Variants in CPO observed in about 807,000 individuals in gnomAD.
CPO encodes metallocarboxypeptidase C.
CPO carries 43 observed loss-of-function variants against 41.2 expected under a neutral mutation model. The ratio of observed to expected loss-of-function variants is 1.04; its 90% CI spans 0.82 to 1.35. The LOEUF (loss-of-function observed/expected upper bound fraction) is 1.35, where lower values mean the gene tolerates loss of function less well. Ranked by LOEUF, CPO falls within the 40% of genes most tolerant of loss-of-function variation. CPO has a pLI of 0.00. For missense variants in CPO, 408 were observed against 451.7 expected (o/e 0.90, Z 0.88); for synonymous variants, 178 against 162.7 (o/e 1.09, Z -0.72).
chr2:206,940,914 A>T (rs1486506818), intron 1 of CPO, among the ~76,000 whole-genome samples: 3 of 152,080 alleles, frequency 2.0e-5, no homozygotes, highest in Non-Finnish European at 4.4e-5. Flanking sequence ...TGATATCAAA[A>T]ACCTGTTTGA....
chr2:206,966,674 T>G (rs1023730432), intron 7 of CPO, among the ~76,000 whole-genome samples: 20 of 152,150 alleles, frequency 1.3e-4, no homozygotes, highest in African/African-American at 4.3e-4. Context: ...TCAGAATCCC[T>G]TTTTAGGAAG....
chr2:206,942,394 G>A (rs1037051603), intron 1 of CPO, among the ~76,000 whole-genome samples: 43 of 151,728 alleles, frequency 2.8e-4, no homozygotes, highest in Admixed American at 4.6e-4. Flanking sequence ...TACCTTCTAC[G>A]TTTTCCATGT....
intron 2 of CPO, among the ~76,000 whole-genome samples, chr2:206,950,562 G>A (rs1215415603): frequency 6.6e-6 from 1 of 152,138 alleles, no homozygotes; most frequent in Non-Finnish European, 1.5e-5. Flanking sequence ...ATTTGACCCA[G>A]CAATCCCATT....
intron 7 of CPO, 117 bp from the exon 8 acceptor site, chr2:206,968,146 G>A: frequency 1.4e-6 from 1 of 728,602 alleles, no homozygotes. Context: ...ATGTCCGATG[G>A]GAAGTTGGAA....
Position 206,944,834 on chromosome 2 carries a change from A to G in CPO, c.69-4783A>G, listed in dbSNP as rs369064254. On this transcript the variant is annotated intron_variant, in intron 1 of 8. Coordinates refer to ENST00000272852, the MANE Select transcript of CPO (RefSeq NM_173077.3). ...TAATGTGGTACATGATGCTAAGTGA[A>G]CCAGAAAAAAAATAAAATTAGGACT... Among the ~76,000 whole-genome samples the G allele has an allele frequency of 3.9e-5, 6 of 152,168 alleles. No individual in the cohort carries two copies. In the East Asian group the frequency reaches 1.2e-3, roughly 29 times the overall value.
chr2:206,957,593 A>G (rs1297452359), intron 3 of CPO, among the ~76,000 whole-genome samples: 1 of 152,170 alleles, frequency 6.6e-6, no homozygotes, highest in Non-Finnish European at 1.5e-5. Flanking sequence ...TAGGCTATTT[A>G]CAAATCCAAA....
chr2:206,968,136 A>G (rs1290014303), intron 7 of CPO, 127 bp from the exon 8 acceptor site: 7 of 708,296 alleles, frequency 9.9e-6, no homozygotes, highest in East Asian at 2.7e-5. Flanking sequence ...CTAGATGTAG[A>G]TGTCCGATGG....
At chr2:206,956,956 A>C (rs1693379907) in intron 3 of CPO, among the ~76,000 whole-genome samples, 1 of 152,246 alleles carries the variant, frequency 6.6e-6, no homozygotes, top group Admixed American at 6.5e-5. Context: ...GCAGTCAAAA[A>C]GACATCTAAA....
intron 1 of CPO, among the ~76,000 whole-genome samples, chr2:206,940,456 A>C (rs1241199080): frequency 1.3e-5 from 2 of 152,122 alleles, no homozygotes; most frequent in African/African-American, 4.8e-5. Flanking sequence ...ACAAGTAAAA[A>C]ATACACATTG....
Position 206,963,170 on chromosome 2 carries a change from G to A in CPO, c.777+556G>A, listed in dbSNP as rs143236596. On this transcript the variant is annotated intron_variant, in intron 7 of 8. Coordinates refer to ENST00000272852, the MANE Select transcript of CPO (RefSeq NM_173077.3). ...GCAGGGAAACTGTTTGGTCTTATCC[G>A]TGTCCTTCTCTGAAGCTGTGTTTAC... Among the ~76,000 whole-genome samples the A allele has an allele frequency of 2.5e-3, 374 of 152,256 alleles. 3 individuals carry two copies. The highest frequency in any genetic ancestry group is 8.5e-3 in the African/African-American group (354 of 41,556).
At chr2:206,941,152 G>A (rs894261001) in intron 1 of CPO, among the ~76,000 whole-genome samples, 1 of 151,874 alleles carries the variant, frequency 6.6e-6, no homozygotes, top group Admixed American at 6.6e-5. Flanking sequence ...ATAAACTAAA[G>A]TCTGAAAGAG....
chr2:206,956,902 C>A lies in CPO; in HGVS notation c.267+1338C>A, dbSNP rs73983117. 4.4e-3 allele frequency among the ~76,000 whole-genome samples: 667 copies of A among 152,252 alleles called. 5 individuals carry two copies. The highest frequency in any genetic ancestry group is 0.015 in the African/African-American group (642 of 41,530). On this transcript the variant is annotated intron_variant, in intron 3 of 8. Transcript: ENST00000272852. ...TGGTTGATGTATTAAGCATGGGCCA[C>A]CTGCCTACCTGATTTTCCATAGGCA...
intron 2 of CPO, among the ~76,000 whole-genome samples, chr2:206,952,598 T>C (rs1383140259): frequency 1.3e-5 from 2 of 152,334 alleles, no homozygotes; most frequent in East Asian, 3.9e-4. Context: ...TAAGACTCTT[T>C]GTAGCACAAC....
intron 1 of CPO, among the ~76,000 whole-genome samples, chr2:206,942,356 A>G (rs779362299): frequency 6.6e-6 from 1 of 151,944 alleles, no homozygotes; most frequent in Non-Finnish European, 1.5e-5. Flanking sequence ...TCTCTTTTCT[A>G]TTTTTCTCCT....
chr2:206,949,653 G>T lies in CPO; in HGVS notation c.105G>T (p.Lys35Asn), dbSNP rs757770017. The change falls in exon 2 of 9, where the codon AAG becomes AAT. Residue 35 changes from lysine (K) to asparagine (N), a missense_variant. Coordinates refer to ENST00000272852, the MANE Select transcript of CPO (RefSeq NM_173077.3). ...AACACAGACAAGAGATTGTGGACAA[G>T]TCAGTGAGTCCATGGAGCCTGGAGA... is the stretch of plus-strand genomic sequence containing the variant. ...LAQHRQEIVD[K>N]SVSPWSLETY... 55 of 1,613,470 alleles carry T rather than the reference G, an allele frequency of 3.4e-5. No individual in the cohort carries two copies. The highest frequency in any genetic ancestry group is 4.6e-5 in the Non-Finnish European group (54 of 1,179,614).
At chr2:206,963,751 G>A (rs188679491) in intron 7 of CPO, among the ~76,000 whole-genome samples, 44 of 152,184 alleles carry the variant, frequency 2.9e-4, no homozygotes, top group East Asian at 9.6e-4. Context: ...ATCTGTCAAC[G>A]GACACACTTG....
chr2:206,940,981 A>G (rs1335924627), intron 1 of CPO, among the ~76,000 whole-genome samples: 5 of 152,138 alleles, frequency 3.3e-5, no homozygotes, highest in Admixed American at 6.6e-5. Context: ...TAGGGCATTT[A>G]TTTTCCTTTC....
At chr2:206,954,540 T>G (rs1018235129) in intron 2 of CPO, among the ~76,000 whole-genome samples, 8 of 152,186 alleles carry the variant, frequency 5.3e-5, no homozygotes, top group Non-Finnish European at 2.9e-5. Flanking sequence ...AGTTCCAAAC[T>G]TTTCCACATT....
At chr2:206,939,721 TGA>T in intron 1 of CPO, 54 bp downstream of exon 1, 2 of 1,507,970 alleles carry the variant, frequency 1.3e-6, no homozygotes, top group Non-Finnish European at 1.8e-6. Context: ...TTGTCTAAAT[TGA>T]ATGGTTTCTT....
Sources: gnomAD v4.1 joint callset for allele counts (sites outside exome capture counted in the v4.1 genomes callset) on GRCh38, gnomAD v4.1.1 for gene constraint, MANE v1.5 for transcripts, NCBI Gene and HGNC (gene_info 2026-07-23, HGNC 2026-07-21) for gene names.